The following TAMM41 variants were observed in gnomAD, a reference collection of about 807,000 sequenced individuals.
TAMM41 encodes the protein phosphatidate cytidylyltransferase, mitochondrial.
A neutral mutation model predicts 44.1 loss-of-function variants in TAMM41; 36 were observed. The ratio of observed to expected loss-of-function variants is 0.82; its 90% CI spans 0.63 to 1.08. TAMM41 has a LOEUF of 1.08. TAMM41 is among the 50% of genes least tolerant of loss of function. The probability of loss-of-function intolerance (pLI) is 0.00; values close to 1 mark genes in which losing one functional copy is unlikely to be tolerated. For missense variants in TAMM41, 417 were observed against 404.3 expected (o/e 1.03, Z -0.27); for synonymous variants, 164 against 153.1 (o/e 1.07, Z -0.53).
chr3:11,825,529 C>T (rs778768837), intron 4 of TAMM41, among the ~76,000 whole-genome samples: 2 of 152,210 alleles, frequency 1.3e-5, no homozygotes, highest in South Asian at 2.1e-4. Flanking sequence ...CTACCAGAAT[C>T]CAGAATCCAC....
At chr3:11,794,615 T>A (rs750502522) in intron 7 of TAMM41, among the ~76,000 whole-genome samples, 1 of 152,240 alleles carries the variant, frequency 6.6e-6, no homozygotes, top group Non-Finnish European at 1.5e-5. Context: ...GATTTTGTTT[T>A]AGAAGCATGC....
chr3:11,846,582 G>T lies in TAMM41; in HGVS notation c.55C>A (p.His19Asn). 1 of 1,614,248 alleles carries T rather than the reference G, an allele frequency of 6.2e-7. No individual in the cohort carries two copies. Among genetic ancestry groups the T allele is most frequent in the Non-Finnish European group, 8.5e-7 (1 of 1,180,050 alleles). Residue 19 changes from histidine (H) to asparagine (N), a missense_variant, in exon 1 of 8, where the codon CAC becomes AAC. By Grantham distance (68) the His-to-Asn change is moderately conservative. Transcript: ENST00000455809. Reference sequence around the variant, plus strand: ...GCCAGACTCAGCTCCTCGGGGAAGTGAGACAGGATCTTGCGGAAGGTCACC... The same window carrying T: ...GCCAGACTCAGCTCCTCGGGGAAGTTAGACAGGATCTTGCGGAAGGTCACC... ...SWVTFRKILS[H>N]FPEELSLAFV...
At chr3:11,760,392 AGTT>A in the TAMM41 span, among the ~76,000 whole-genome samples, 6 of 152,066 alleles carry the variant, frequency 3.9e-5, no homozygotes, top group Non-Finnish European at 5.9e-5. Flanking sequence ...TCATAAACTT[AGTT>A]GTTAATAATT....
chr3:11,810,601 A>G (rs1183059563), intron 5 of TAMM41, among the ~76,000 whole-genome samples: 1 of 152,218 alleles, frequency 6.6e-6, no homozygotes, highest in African/African-American at 2.4e-5. Flanking sequence ...TCTGTCTTGT[A>G]TCCTTTTAAC....
intron 4 of TAMM41, among the ~76,000 whole-genome samples, chr3:11,819,898 G>C (rs1158646455): frequency 6.6e-6 from 1 of 152,114 alleles, no homozygotes; most frequent in African/African-American, 2.4e-5. Context: ...TCATGGCAAA[G>C]CTCCATAAAA....
chr3:11,727,188 G>A, the TAMM41 span, among the ~76,000 whole-genome samples: 3 of 152,178 alleles, frequency 2.0e-5, no homozygotes, highest in African/African-American at 4.8e-5. Flanking sequence ...ACTGAAACAT[G>A]CAGACATTAA....
chr3:11,786,772 G>A (rs1369704841), downstream of TAMM41, among the ~76,000 whole-genome samples: 2 of 151,798 alleles, frequency 1.3e-5, no homozygotes. Flanking sequence ...TAAAGTTTTT[G>A]TAGAGATGCG....
chr3:11,752,821 A>G, the TAMM41 span, among the ~76,000 whole-genome samples: 4 of 150,674 alleles, frequency 2.7e-5, no homozygotes, highest in African/African-American at 9.7e-5. Flanking sequence ...GTTAATTTTT[A>G]TTTTTTAATT....
chr3:11,826,243 G>A (rs1559306128), intron 4 of TAMM41, among the ~76,000 whole-genome samples: 2 of 152,156 alleles, frequency 1.3e-5, no homozygotes, highest in African/African-American at 2.4e-5. Context: ...GAGATAAGAT[G>A]CTGGAGGCAG....
chr3:11,838,416 C>A (rs76447160), intron 3 of TAMM41, among the ~76,000 whole-genome samples: 1 of 152,282 alleles, frequency 6.6e-6, no homozygotes, highest in South Asian at 2.1e-4. Flanking sequence ...CGGGGTTTCA[C>A]CACTTTGGCT....
chr3:11,738,110 C>A, the TAMM41 span, among the ~76,000 whole-genome samples: 1 of 152,170 alleles, frequency 6.6e-6, no homozygotes, highest in South Asian at 2.1e-4. Flanking sequence ...AGATGAGCCA[C>A]GACTTGAACA....
rs1006747966 is a variant in TAMM41 at position 11,805,004 on chromosome 3, T to G, written c.937+2829A>C. The stretch of plus-strand genomic sequence containing the variant: ...CACCACCACGCCCAGCCCTTTTTTT[T>G]TTTTTTTTTTTTTTTTTTTTGAGAC... On this transcript the variant is annotated intron_variant, in intron 7 of 7. Transcript: ENST00000455809. Among the ~76,000 whole-genome samples, 60 of 136,078 alleles carry G rather than the reference T, an allele frequency of 4.4e-4. 1 individual carries two copies. Among genetic ancestry groups the G allele is most frequent in the African/African-American group, 1.7e-3 (60 of 36,242 alleles). The allele number at this position is 136,078 out of a possible 152,430, so 89.3% of individuals were successfully genotyped here. A position where few individuals can be genotyped will look rare whatever the true frequency, so the allele number is the denominator to read the frequency against.
chr3:11,757,168 A>C, the TAMM41 span, among the ~76,000 whole-genome samples: 6,304 of 152,290 alleles, frequency 0.041, 412 homozygotes, highest in African/African-American at 0.14. Flanking sequence ...TGTGCATAGA[A>C]ATTACAGTCT....
chr3:11,781,167 C>A, the TAMM41 span, among the ~76,000 whole-genome samples: 2 of 152,152 alleles, frequency 1.3e-5, no homozygotes, highest in Non-Finnish European at 2.9e-5. Flanking sequence ...TCTATGTAAC[C>A]CACTGCAACC....
the TAMM41 span, among the ~76,000 whole-genome samples, chr3:11,725,409 T>A: frequency 7.4e-6 from 1 of 136,036 alleles, no homozygotes; most frequent in Non-Finnish European, 1.6e-5. Context: ...CTTCCTCTTC[T>A]TCTTCTTCTT....
intron 7 of TAMM41, chr3:11,807,585 A>C (rs1218205797): frequency 9.1e-6 from 14 of 1,536,160 alleles, no homozygotes; most frequent in Non-Finnish European, 1.0e-5. Context: ...TGCACACAGG[A>C]AGTGTCTCAG....
rs188540639 is a variant in TAMM41, at chr3:11,829,047, G to C, written c.562+667C>G. ...ATGGGGGCTCCTCTGGTTGCAGCGAGGGTGAGTGGCCAGGGGCTCTACCCT... is the reference window on the plus strand; with the variant it reads ...ATGGGGGCTCCTCTGGTTGCAGCGACGGTGAGTGGCCAGGGGCTCTACCCT... On this transcript the variant is annotated intron_variant, in intron 4 of 7. Coordinates refer to ENST00000455809, the MANE Select transcript of TAMM41 (RefSeq NM_001284401.2). Among the ~76,000 whole-genome samples the C allele has an allele frequency of 1.2e-3, 176 of 152,290 alleles. 1 individual carries two copies. Among genetic ancestry groups the C allele is most frequent in the Non-Finnish European group, 1.5e-3 (103 of 68,030 alleles).
chr3:11,731,679 G>T, the TAMM41 span, among the ~76,000 whole-genome samples: 408 of 152,228 alleles, frequency 2.7e-3, 4 homozygotes, highest in African/African-American at 9.3e-3. Flanking sequence ...CAGGGTGGGA[G>T]AGAGGCTTTC....
At chr3:11,761,433 T>C in the TAMM41 span, among the ~76,000 whole-genome samples, 1 of 152,050 alleles carries the variant, frequency 6.6e-6, no homozygotes. Flanking sequence ...TAGTCCAGAA[T>C]TGAGTCTCTG....
Sources: gnomAD v4.1 joint callset for allele counts (sites outside exome capture counted in the v4.1 genomes callset) on GRCh38, gnomAD v4.1.1 for gene constraint, MANE v1.5 for transcripts, NCBI Gene and HGNC (gene_info 2026-07-23, HGNC 2026-07-21) for gene names.